The following DNER variants were observed in gnomAD, a reference collection of about 807,000 sequenced individuals.
DNER encodes the protein delta and Notch-like epidermal growth factor-related receptor.
DNER carries 33 observed loss-of-function variants against 78.2 expected under a neutral mutation model. The observed-to-expected ratio is 0.42, with a 90% CI of 0.32 to 0.56. The LOEUF is 0.56. DNER is among the 20% of genes least tolerant of loss of function. DNER has a pLI of 0.11. For synonymous variants in DNER, 417 were observed against 384.8 expected (o/e 1.08, Z -0.98); for missense variants, 918 against 975.3 (o/e 0.94, Z 0.78).
At chr2:229,420,732 T>C (rs1245025086) in intron 8 of DNER, among the ~76,000 whole-genome samples, 1 of 152,016 alleles carries the variant, frequency 6.6e-6, no homozygotes, top group Non-Finnish European at 1.5e-5. Context: ...ATGGCCATTA[T>C]AAAAAACAAA....
intron 1 of DNER, among the ~76,000 whole-genome samples, chr2:229,684,126 G>GTGTT (rs1196185014): frequency 6.9e-6 from 1 of 145,134 alleles, no homozygotes; most frequent in Non-Finnish European, 1.5e-5. Context: ...GTGTGTGTTT[G>GTGTT]TGTGTGTGTC....
chr2:229,564,462 C>CAT (rs1697056984), intron 4 of DNER, among the ~76,000 whole-genome samples: 3 of 150,322 alleles, frequency 2.0e-5, no homozygotes, highest in Non-Finnish European at 1.5e-5. Flanking sequence ...CCATCATCAT[C>CAT]CTCCTCACCC....
At chr2:229,404,875 T>C (rs1352368267) in intron 10 of DNER, among the ~76,000 whole-genome samples, 1 of 152,216 alleles carries the variant, frequency 6.6e-6, no homozygotes, top group East Asian at 1.9e-4. Flanking sequence ...ACTCTTGATA[T>C]ATAGAATCTT....
At position 229,418,232 on chromosome 2, in the gene DNER, T is replaced by C; in HGVS notation, c.1487-2A>G. On this transcript the variant is annotated splice_acceptor_variant, in intron 8 of 12. Transcript: ENST00000341772. LOFTEE classifies it high-confidence loss of function. ...CCTCACAGTAGAGGCCATGGTAACC[T>C]GAGGGACAGAGAGAAAGGCCCACTG... 2 of 1,613,812 alleles carry C rather than the reference T, an allele frequency of 1.2e-6. No individual in the cohort carries two copies. Among genetic ancestry groups the C allele is most frequent in the Middle Eastern group, 1.7e-4 (1 of 5,950 alleles).
chr2:229,618,439 CT>C (rs1244501198), intron 1 of DNER, among the ~76,000 whole-genome samples: 1 of 152,164 alleles, frequency 6.6e-6, no homozygotes, highest in Non-Finnish European at 1.5e-5. Context: ...TACTATGTGG[CT>C]CCAGAAGGTG....
chr2:229,407,455 G>A (rs555274860), intron 9 of DNER, 110 bp from the exon 10 acceptor site: 24 of 811,908 alleles, frequency 3.0e-5, no homozygotes, highest in East Asian at 1.9e-4. Flanking sequence ...GATTCCCAGC[G>A]TGGGTGTGTG....
intron 5 of DNER, among the ~76,000 whole-genome samples, chr2:229,539,626 C>T (rs890357506): frequency 1.3e-5 from 2 of 152,214 alleles, no homozygotes; most frequent in African/African-American, 4.8e-5. Context: ...GGATTCCTAT[C>T]TTATTTCCGT....
chr2:229,695,486 G>C (rs1397678043), intron 1 of DNER, among the ~76,000 whole-genome samples: 2 of 152,192 alleles, frequency 1.3e-5, no homozygotes, highest in African/African-American at 2.4e-5. Flanking sequence ...GGGCATTAAT[G>C]CTCTGGTGGA....
intron 1 of DNER, among the ~76,000 whole-genome samples, chr2:229,608,564 C>G (rs542609305): frequency 6.6e-6 from 1 of 152,094 alleles, no homozygotes; most frequent in Non-Finnish European, 1.5e-5. Flanking sequence ...ACAGACAAAT[C>G]GCAGAAACAC....
At chr2:229,681,032 A>G (rs1405395148) in intron 1 of DNER, among the ~76,000 whole-genome samples, 1 of 152,222 alleles carries the variant, frequency 6.6e-6, no homozygotes, top group East Asian at 1.9e-4. Flanking sequence ...TGGGGTCTCC[A>G]AAGGAGAGGC....
intron 1 of DNER, among the ~76,000 whole-genome samples, chr2:229,685,499 A>G (rs886375218): frequency 1.3e-5 from 2 of 150,942 alleles, no homozygotes; most frequent in African/African-American, 4.9e-5. Flanking sequence ...ACGAAAGGTA[A>G]AAGGTGGTGC....
At chr2:229,481,241 C>G (rs1217525801) in intron 6 of DNER, among the ~76,000 whole-genome samples, 1 of 152,202 alleles carries the variant, frequency 6.6e-6, no homozygotes, top group Non-Finnish European at 1.5e-5. Flanking sequence ...CAATCATTCA[C>G]ACCAGACTCA....
intron 2 of DNER, among the ~76,000 whole-genome samples, chr2:229,588,998 G>A (rs189462434): frequency 5.1e-4 from 78 of 152,360 alleles, no homozygotes; most frequent in African/African-American, 1.8e-3. Context: ...TGGGGAGCTT[G>A]AACGCTGCCT....
intron 12 of DNER, among the ~76,000 whole-genome samples, chr2:229,360,480 G>A (rs559938290): frequency 6.6e-6 from 1 of 152,040 alleles, no homozygotes; most frequent in African/African-American, 2.4e-5. Context: ...GCGTGGTCTC[G>A]GCTCACGCGG....
chr2:229,634,868 T>G (rs1352517105), intron 1 of DNER, among the ~76,000 whole-genome samples: 2 of 152,036 alleles, frequency 1.3e-5, no homozygotes, highest in Non-Finnish European at 2.9e-5. Context: ...AAATGCCCTT[T>G]CCCCCCACCA....
At position 229,456,037 on chromosome 2, in the gene DNER, A is replaced by T. The variant is rs549106271; in HGVS notation, c.1262-8497T>A. ...TAGCAGTATATTAGTCCATTTTTGC[A>T]TTACTACAAAGGGATACCTGAGACT... On this transcript the variant is annotated intron_variant, in intron 7 of 12. Coordinates refer to ENST00000341772, the MANE Select transcript of DNER (RefSeq NM_139072.4). Among the ~76,000 whole-genome samples the T allele has an allele frequency of 7.2e-5, 11 of 152,164 alleles. No homozygotes were observed. In the East Asian group the frequency reaches 2.1e-3, roughly 29 times the overall value.
chr2:229,671,161 C>A (rs1282523351), intron 1 of DNER, among the ~76,000 whole-genome samples: 1 of 152,224 alleles, frequency 6.6e-6, no homozygotes, highest in South Asian at 2.1e-4. Context: ...CTGGCACCAA[C>A]CTGCTTGCTC....
At position 229,695,832 on chromosome 2, in the gene DNER, T is replaced by G. The variant is rs192587204; in HGVS notation, c.276+18316A>C. Among the ~76,000 whole-genome samples the G allele has an allele frequency of 2.4e-3, 364 of 152,290 alleles. 7 individuals carry two copies. The highest frequency in any genetic ancestry group is 3.4e-3 in the Middle Eastern group (1 of 294). On this transcript the variant is annotated intron_variant, in intron 1 of 12. Transcript: ENST00000341772. ...AGGATGAATAGTAAGCTGAGGGTCA[T>G]GCTGAGCCCTTGACCTGAGGATGAA...
intron 8 of DNER, among the ~76,000 whole-genome samples, chr2:229,435,251 T>G (rs72984764): frequency 6.6e-6 from 1 of 152,236 alleles, no homozygotes; most frequent in Non-Finnish European, 1.5e-5. Flanking sequence ...GTGGCTTAGT[T>G]GCCCCCATCA....
Sources: allele counts gnomAD v4.1 joint callset (sites outside exome capture counted in the v4.1 genomes callset), GRCh38; gene constraint gnomAD v4.1.1; transcripts MANE v1.5; gene names NCBI Gene and HGNC (gene_info 2026-07-23, HGNC 2026-07-21).